Variants in RORA observed in about 807,000 individuals in gnomAD.
The protein encoded by RORA is nuclear receptor ROR-alpha.
Under a neutral mutation model 69.5 loss-of-function variants are expected in RORA, and 7 were observed. That is an observed-to-expected ratio of 0.10 (90% CI 0.06 to 0.19). The LOEUF is 0.19. Among genes scored for constraint, RORA ranks in the 10% least tolerant of loss-of-function variants. The pLI, the probability that RORA is intolerant of heterozygous loss-of-function variation, is 1.00. For missense variants in RORA, 457 were observed against 663.0 expected (o/e 0.69, Z 3.41); for synonymous variants, 261 against 240.8 (o/e 1.08, Z -0.78).
chr15:60,637,474 A>G (rs530865935), intron 2 of RORA, among the ~76,000 whole-genome samples: 3 of 152,148 alleles, frequency 2.0e-5, no homozygotes, highest in African/African-American at 7.2e-5. Flanking sequence ...GTATTCTGTA[A>G]TTTCTTCTAT....
At chr15:60,960,620 T>C (rs1437411071) in intron 1 of RORA, among the ~76,000 whole-genome samples, 1 of 151,886 alleles carries the variant, frequency 6.6e-6, no homozygotes, top group African/African-American at 2.4e-5. Context: ...ATTTTCATCA[T>C]GTTACACTTT....
chr15:60,808,638 A>T (rs1340143566), intron 1 of RORA, among the ~76,000 whole-genome samples: 2 of 151,346 alleles, frequency 1.3e-5, no homozygotes, highest in Non-Finnish European at 2.9e-5. Flanking sequence ...ACATTTTACA[A>T]TTGCAAAAAT....
At chr15:60,573,905 G>A (rs1334393314) in intron 2 of RORA, among the ~76,000 whole-genome samples, 2 of 152,202 alleles carry the variant, frequency 1.3e-5, no homozygotes, top group Admixed American at 6.5e-5. Flanking sequence ...TGAAGGCAGG[G>A]ACCACTTCTT....
At chr15:60,538,021 C>A (rs371030462) in intron 2 of RORA, among the ~76,000 whole-genome samples, 1 of 152,126 alleles carries the variant, frequency 6.6e-6, no homozygotes, top group Non-Finnish European at 1.5e-5. Context: ...GTATTATCAT[C>A]CCCATTTTAC....
chr15:60,681,687 G>A (rs1418466252), intron 1 of RORA: 1 of 152,186 alleles, frequency 6.6e-6, no homozygotes, highest in Non-Finnish European at 1.5e-5. Flanking sequence ...CCTTAAATGA[G>A]GGATGGGTCT....
In RORA at chr15:61,229,192, G is replaced by C. The variant is rs770604819; in HGVS notation, c.27C>G (p.Asp9Glu). 6.4e-7 allele frequency: 1 copy of C among 1,551,360 alleles called. No individual in the cohort carries two copies. The highest frequency in any genetic ancestry group is 8.7e-7 in the Non-Finnish European group (1 of 1,151,226). Residue 9 changes from aspartate to glutamate, a missense_variant, in exon 1 of 11, where the codon GAC becomes GAG. Physicochemically the swap from Asp to Glu is conservative, Grantham distance 45. Around this residue, in one of 3 missense-constraint regions of RORA, gnomAD observed 119 missense variants for 92.4 expected, o/e 1.29. Coordinates refer to ENST00000335670, the MANE Select transcript of RORA (RefSeq NM_134261.3). Reference protein sequence around the residue: MESAPAAPDPAASEPGSSG... With the variant: MESAPAAPEPAASEPGSSG... ...TGCTGCCTGGCTCGCTGGCGGCGGGGTCGGGGGCTGCCGGAGCTGACTCCA... is the reference window on the plus strand; with the variant it reads ...TGCTGCCTGGCTCGCTGGCGGCGGGCTCGGGGGCTGCCGGAGCTGACTCCA...
rs551610578 is a variant in RORA at position 60,537,288 on chromosome 15, C to T, written c.197-5437G>A. Among the ~76,000 whole-genome samples, 22 of 152,274 alleles carry T rather than the reference C, an allele frequency of 1.4e-4. No homozygotes were observed. The highest frequency in any genetic ancestry group is 2.2e-4 in the Non-Finnish European group (15 of 68,024). ...CATGCAGGTTGTGCTCTGCCCAGTG[C>T]GGCCTAGCTGAGGGGTCAAAAGTAG... is the stretch of plus-strand genomic sequence containing the variant. On this transcript the variant is annotated intron_variant, in intron 2 of 10. Transcript: ENST00000335670. The surrounding 1 kb of genome is among the most constrained non-coding windows in gnomAD (Gnocchi z 4.9).
At chr15:61,168,284 C>G (rs986422415) in intron 1 of RORA, among the ~76,000 whole-genome samples, 1 of 151,668 alleles carries the variant, frequency 6.6e-6, no homozygotes, top group African/African-American at 2.4e-5. Flanking sequence ...GCTGGAGTGC[C>G]GTGGCGTGAT....
chr15:60,983,645 A>G (rs1894111698), intron 1 of RORA, among the ~76,000 whole-genome samples: 2 of 152,200 alleles, frequency 1.3e-5, no homozygotes, highest in South Asian at 4.1e-4. Flanking sequence ...TATTGATTCC[A>G]GGTCTTTAGA....
At chr15:61,100,491 C>T (rs748253957) in intron 1 of RORA, among the ~76,000 whole-genome samples, 2 of 152,180 alleles carry the variant, frequency 1.3e-5, no homozygotes, top group Non-Finnish European at 2.9e-5. Flanking sequence ...ACAGGCTGTA[C>T]ATGGAAGAAG....
At chr15:61,218,798 T>A (rs1449295384) in intron 1 of RORA, among the ~76,000 whole-genome samples, 2 of 152,138 alleles carry the variant, frequency 1.3e-5, no homozygotes, top group African/African-American at 4.8e-5. Flanking sequence ...AGACACTTTT[T>A]CTTGATAAGA....
Position 60,793,561 on chromosome 15 carries a change from C to T in RORA, c.167-114875G>A, listed in dbSNP as rs116286268. Among the ~76,000 whole-genome samples, 277 of 152,294 alleles carry T rather than the reference C, an allele frequency of 1.8e-3. 2 individuals are homozygous for T. Among genetic ancestry groups the T allele is most frequent in the African/African-American group, 6.4e-3 (266 of 41,550 alleles). On this transcript the variant is annotated intron_variant, in intron 1 of 10. Transcript: ENST00000335670. ...TGCCAGTTTCTTAAGTCATCTCAAACACCAAGGAACTACATTAAACCATAT... is the reference window on the plus strand; with the variant it reads ...TGCCAGTTTCTTAAGTCATCTCAAATACCAAGGAACTACATTAAACCATAT...
rs1459408088 is a variant in RORA at position 60,496,739 on chromosome 15, C to T, written c.*716G>A. ...CAGTTAAACTTGTGTTTCTGGTGCACATGCGACACGACAGTGAACACGCTA... is the reference window on the plus strand; with the variant it reads ...CAGTTAAACTTGTGTTTCTGGTGCATATGCGACACGACAGTGAACACGCTA... On this transcript the variant is annotated 3_prime_UTR_variant, in exon 11 of 11. Coordinates refer to ENST00000335670, the MANE Select transcript of RORA (RefSeq NM_134261.3). The surrounding 1 kb of genome is among the most constrained non-coding windows in gnomAD (Gnocchi z 4.5). 6.6e-6 allele frequency: 1 copy of T among 152,194 alleles called. No homozygotes were observed. Among genetic ancestry groups the T allele is most frequent in the Non-Finnish European group, 1.5e-5 (1 of 68,038 alleles). 9.4% of individuals were successfully genotyped at this position (152,194 alleles called of 1,614,324 possible). A position where few individuals can be genotyped will look rare whatever the true frequency, so the allele number is the denominator to read the frequency against.
intron 1 of RORA, among the ~76,000 whole-genome samples, chr15:61,097,865 T>C (rs1304006101): frequency 6.6e-6 from 1 of 152,182 alleles, no homozygotes; most frequent in African/African-American, 2.4e-5. Flanking sequence ...CAAGAATGCT[T>C]GGCCTTTTAA....
chr15:61,202,619 C>T (rs2079905647), intron 1 of RORA, among the ~76,000 whole-genome samples: 1 of 152,062 alleles, frequency 6.6e-6, no homozygotes, highest in South Asian at 2.1e-4. Context: ...CTTGCAGCCT[C>T]GCTTGGCCAG....
At chr15:60,804,063 C>T (rs886354006) in intron 1 of RORA, among the ~76,000 whole-genome samples, 10 of 151,928 alleles carry the variant, frequency 6.6e-5, no homozygotes, top group Admixed American at 5.2e-4. Flanking sequence ...GCCAAGGTGG[C>T]GGATCACCTG....
At chr15:61,102,170 A>G (rs2078889445) in intron 1 of RORA, among the ~76,000 whole-genome samples, 1 of 152,112 alleles carries the variant, frequency 6.6e-6, no homozygotes, top group Non-Finnish European at 1.5e-5. Context: ...GATGCTTGAG[A>G]GAATCTGTGC....
At chr15:61,099,440 C>T (rs1216078941) in intron 1 of RORA, among the ~76,000 whole-genome samples, 1 of 152,142 alleles carries the variant, frequency 6.6e-6, no homozygotes, top group South Asian at 2.1e-4. Flanking sequence ...TGGAACATTA[C>T]CTCCCTATTT....
intron 1 of RORA, among the ~76,000 whole-genome samples, chr15:60,979,722 GTGTA>G (rs1566932158): frequency 1.2e-4 from 9 of 72,702 alleles, no homozygotes. Flanking sequence ...AATAATGTGT[GTGTA>G]TGTATGTGTG....
Sources: gnomAD v4.1 joint callset for allele counts (sites outside exome capture counted in the v4.1 genomes callset) on GRCh38, gnomAD v4.1.1 for gene constraint, gnomAD v4.1.1 regional missense constraint, Gnocchi (gnomAD v3.1) non-coding constraint, MANE v1.5 for transcripts, NCBI Gene and HGNC (gene_info 2026-07-23, HGNC 2026-07-21) for gene names.